The following TENM3 variants were observed in gnomAD, a reference collection of about 807,000 sequenced individuals.
TENM3 encodes teneurin transmembrane protein 3.
In TENM3, 63 loss-of-function variants were observed where a neutral mutation model predicts 255.1. The observed-to-expected ratio is 0.25, with a 90% CI of 0.20 to 0.30. The LOEUF (loss-of-function observed/expected upper bound fraction) is 0.30, where lower values mean the gene tolerates loss of function less well. TENM3 is among the 10% of genes least tolerant of loss of function. The pLI, the probability that TENM3 is intolerant of heterozygous loss-of-function variation, is 1.00. For synonymous variants in TENM3, 1,306 were observed against 1,322.3 expected, an observed-to-expected ratio of 0.99 and a Z score of 0.27; for missense variants, 2,929 against 3,461.1, an observed-to-expected ratio of 0.85 and a Z score of 3.86.
At chr4:181,961,724 G>A in the TENM3 span, among the ~76,000 whole-genome samples, 1 of 152,134 alleles carries the variant, frequency 6.6e-6, no homozygotes, top group Admixed American at 6.6e-5. Context: ...ATATCTAATA[G>A]TCAACATATA....
intron 6 of TENM3, among the ~76,000 whole-genome samples, chr4:182,664,944 A>G (rs763681179): frequency 6.6e-6 from 1 of 152,250 alleles, no homozygotes; most frequent in Non-Finnish European, 1.5e-5. Flanking sequence ...AAGGTGAAGC[A>G]GCAGGTTCTG....
chr4:182,543,330 G>A (rs1004293321), intron 3 of TENM3, among the ~76,000 whole-genome samples: 2 of 152,172 alleles, frequency 1.3e-5, no homozygotes, highest in African/African-American at 4.8e-5. Flanking sequence ...AAATTCAATA[G>A]GAGAAAGAAG....
chr4:182,066,529 C>T, the TENM3 span, among the ~76,000 whole-genome samples: 1 of 151,494 alleles, frequency 6.6e-6, no homozygotes, highest in Non-Finnish European at 1.5e-5. Flanking sequence ...ATTCTTGATT[C>T]TCTAAGGCTC....
At chr4:182,032,073 A>G in the TENM3 span, among the ~76,000 whole-genome samples, 1 of 152,168 alleles carries the variant, frequency 6.6e-6, no homozygotes, top group African/African-American at 2.4e-5. Context: ...CCCTAGGCAG[A>G]ACTTCCAATA....
chr4:182,039,042 CAT>C, the TENM3 span, among the ~76,000 whole-genome samples: 1 of 152,098 alleles, frequency 6.6e-6, no homozygotes, highest in African/African-American at 2.4e-5. Context: ...CATAAAATAA[CAT>C]AGTCTAAAAG....
chr4:182,081,375 G>C, the TENM3 span, among the ~76,000 whole-genome samples: 1 of 151,966 alleles, frequency 6.6e-6, no homozygotes, highest in African/African-American at 2.4e-5. Flanking sequence ...CACAAGGTCA[G>C]GAGTTCGAGA....
the TENM3 span, among the ~76,000 whole-genome samples, chr4:181,690,077 A>G: frequency 1.3e-5 from 2 of 152,134 alleles, no homozygotes; most frequent in Non-Finnish European, 2.9e-5. Flanking sequence ...GGCACCCAAT[A>G]TGGTAACAGA....
At chr4:181,461,174 T>C in the TENM3 span, among the ~76,000 whole-genome samples, 192 of 152,206 alleles carry the variant, frequency 1.3e-3, no homozygotes, top group African/African-American at 4.3e-3. Context: ...GTTTATCTTT[T>C]TTTTTCTGGG....
Position 182,285,516 on chromosome 4 carries a change from GACGAA to G in TENM3, c.-75-38427_-75-38423del, listed in dbSNP as rs924341321. ...TCTTAAGTTCTCAGCTATCTGGGTA[GACGAA>G]ACCATTTTGAAGCAACACATGAAGA... On this transcript the variant is annotated intron_variant, in intron 1 of 27. Transcript: ENST00000511685. Among the ~76,000 whole-genome samples the G allele has an allele frequency of 5.3e-5, 8 of 152,276 alleles. No individual in the cohort carries two copies. The East Asian group carries it at 1.5e-3, about 29-fold the overall frequency.
chr4:181,930,478 A>G, the TENM3 span, among the ~76,000 whole-genome samples: 1 of 152,212 alleles, frequency 6.6e-6, no homozygotes, highest in African/African-American at 2.4e-5. Context: ...AAGAAGTCTA[A>G]TCCCTGAATA....
chr4:182,498,864 A>G (rs969951791), intron 3 of TENM3, among the ~76,000 whole-genome samples: 1 of 152,066 alleles, frequency 6.6e-6, no homozygotes, highest in African/African-American at 2.4e-5. Flanking sequence ...TAAAAAAAAA[A>G]AAAATTCTCA....
intron 3 of TENM3, among the ~76,000 whole-genome samples, chr4:182,554,609 G>A (rs896126935): frequency 1.3e-5 from 2 of 152,006 alleles, no homozygotes; most frequent in African/African-American, 4.8e-5. Flanking sequence ...ATAGTCTTGA[G>A]GCTTTCTTAT....
chr4:182,143,566 T>C (rs1191863590), upstream of TENM3: 3 of 166,686 alleles, frequency 1.8e-5, no homozygotes, highest in Non-Finnish European at 4.4e-5. The surrounding 1 kb of genome is among the most constrained non-coding windows in gnomAD (Gnocchi z 4.3). Flanking sequence ...TCAAGAAAAG[T>C]AGTTTTCTAA....
intron 1 of TENM3, among the ~76,000 whole-genome samples, chr4:182,214,051 TG>T (rs1755265119): frequency 1.3e-5 from 2 of 152,248 alleles, no homozygotes; most frequent in South Asian, 2.1e-4. Context: ...ATCCCCCCGC[TG>T]CGGCCTCCCC....
intron 3 of TENM3, among the ~76,000 whole-genome samples, chr4:182,350,961 G>T (rs1765133995): frequency 6.6e-6 from 1 of 152,126 alleles, no homozygotes; most frequent in Admixed American, 6.5e-5. Flanking sequence ...GGGATTACAG[G>T]CATGAGCCAC....
the TENM3 span, among the ~76,000 whole-genome samples, chr4:182,134,511 T>C: frequency 6.6e-6 from 1 of 152,194 alleles, no homozygotes; most frequent in Admixed American, 6.5e-5. Flanking sequence ...TACTTTTTTC[T>C]CCTCCTAGAT....
chr4:182,177,418 C>T (rs566244109), intron 1 of TENM3, among the ~76,000 whole-genome samples: 23 of 152,130 alleles, frequency 1.5e-4, no homozygotes, highest in Non-Finnish European at 2.4e-4. Flanking sequence ...AGCATGTCCC[C>T]GGGCCCTGGC....
At chr4:181,697,433 G>T in the TENM3 span, among the ~76,000 whole-genome samples, 1 of 151,996 alleles carries the variant, frequency 6.6e-6, no homozygotes, top group Non-Finnish European at 1.5e-5. Context: ...TTGCTCTGTC[G>T]CCCAGGCTGG....
At chr4:181,682,432 T>C in the TENM3 span, among the ~76,000 whole-genome samples, 23 of 152,326 alleles carry the variant, frequency 1.5e-4, no homozygotes, top group Non-Finnish European at 3.2e-4. Context: ...TTTCACCAGA[T>C]TGACTGACTG....
Sources: allele counts gnomAD v4.1 joint callset (sites outside exome capture counted in the v4.1 genomes callset), GRCh38; gene constraint gnomAD v4.1.1; non-coding constraint Gnocchi (gnomAD v3.1); transcripts MANE v1.5; gene names NCBI Gene and HGNC (gene_info 2026-07-23, HGNC 2026-07-21).